Variants in CD109 observed in about 807,000 individuals in gnomAD.
CD109 encodes CD109 antigen.
A neutral mutation model predicts 165.8 loss-of-function variants in CD109; 149 were observed. The observed-to-expected ratio is 0.90, with a 90% CI of 0.79 to 1.03. The LOEUF (loss-of-function observed/expected upper bound fraction) is 1.03, where lower values mean the gene tolerates loss of function less well. Among genes scored for constraint, CD109 ranks in the 50% least tolerant of loss-of-function variants. The pLI is 0.00. For synonymous variants in CD109, 585 were observed against 592.1 expected (o/e 0.99, Z 0.18); for missense variants, 1,712 against 1,677.8 (o/e 1.02, Z -0.36).
intron 5 of CD109, among the ~76,000 whole-genome samples, chr6:73,743,805 A>G (rs916245592): frequency 2.0e-5 from 3 of 152,220 alleles, no homozygotes; most frequent in African/African-American, 7.2e-5. Context: ...GTGGCTTCCA[A>G]AATACTTTCA....
chr6:73,720,068 A>C (rs1440137476), intron 2 of CD109, among the ~76,000 whole-genome samples: 6 of 152,204 alleles, frequency 3.9e-5, no homozygotes, highest in Non-Finnish European at 8.8e-5. Context: ...CATTATTCCC[A>C]ATATCTAAGA....
At chr6:73,679,704 C>G in the CD109 span, among the ~76,000 whole-genome samples, 73 of 151,404 alleles carry the variant, frequency 4.8e-4, no homozygotes, top group Admixed American at 2.4e-3. Context: ...GGCACGATCT[C>G]GACTCACTGC....
chr6:73,723,041 C>T (rs1018517554), intron 2 of CD109: 26 of 764,454 alleles, frequency 3.4e-5, no homozygotes, highest in African/African-American at 1.9e-5. Flanking sequence ...CCACTGATAC[C>T]CTTTTAATCC....
At chr6:73,726,533 G>A (rs72955210) in intron 3 of CD109, among the ~76,000 whole-genome samples, 4,462 of 152,266 alleles carry the variant, frequency 0.029, 100 homozygotes, top group Non-Finnish European at 0.038. Flanking sequence ...CATTATTCCT[G>A]AAGTATATGA....
At chr6:73,723,145 A>T in intron 2 of CD109, 106 bp from the exon 3 acceptor site, 3 of 1,576,778 alleles carry the variant, frequency 1.9e-6, no homozygotes, top group Non-Finnish European at 2.6e-6. Context: ...TGTATTTATG[A>T]TTCCACCTAC....
At chr6:73,766,191 A>G (rs1219946483) in intron 11 of CD109, 37 bp downstream of exon 11, 3 of 1,494,844 alleles carry the variant, frequency 2.0e-6, no homozygotes, top group Non-Finnish European at 9.3e-7. Flanking sequence ...CACTGCAACA[A>G]CACCATTACA....
chr6:73,788,719 T>C (rs1774797806), intron 22 of CD109, 107 bp downstream of exon 22: 2 of 928,614 alleles, frequency 2.2e-6, no homozygotes, highest in South Asian at 3.4e-5. Context: ...TAAGAAGAGA[T>C]GGCAAAAGTT....
At position 73,730,420 on chromosome 6, in the gene CD109, ATAG is replaced by A; in HGVS notation, c.356_358del (p.Ser119del). On this transcript the variant is annotated inframe_deletion, in exon 4 of 33. Transcript: ENST00000287097. ...ACCCAGGATGAGATTTTATTCTCTAATAGTACCCGCTTATCATTTGAGACCAAG... is the reference window on the plus strand; with the variant it reads ...ACCCAGGATGAGATTTTATTCTCTAATACCCGCTTATCATTTGAGACCAAG... The A allele has an allele frequency of 1.9e-6, 3 of 1,613,902 alleles. No homozygotes were observed. Among genetic ancestry groups the A allele is most frequent in the Non-Finnish European group, 2.5e-6 (3 of 1,179,766 alleles).
chr6:73,795,700 GA>G (rs1216810084), intron 23 of CD109, among the ~76,000 whole-genome samples: 7 of 152,170 alleles, frequency 4.6e-5, no homozygotes, highest in Non-Finnish European at 8.8e-5. Context: ...TTCCCCTTGG[GA>G]GGAAGTAGAT....
chr6:73,774,885 C>T lies in CD109; in HGVS notation c.1827+3304C>T, dbSNP rs193118352. ...TTTTCTGCTTGCTTTTATTGTTTCT[C>T]CAGTTGGTTCTGGAGGAGGGAGTGA... On this transcript the variant is annotated intron_variant, in intron 15 of 32. Transcript: ENST00000287097. 3.1e-3 allele frequency among the ~76,000 whole-genome samples: 464 copies of T among 151,918 alleles called. 1 individual carries two copies. Among genetic ancestry groups the T allele is most frequent in the African/African-American group, 0.01 (433 of 41,468 alleles).
chr6:73,792,711 T>G lies in CD109; in HGVS notation c.2787T>G (p.Phe929Leu), dbSNP rs1472861909. 4 of 1,613,192 alleles carry G rather than the reference T, an allele frequency of 2.5e-6. No homozygotes were observed. The highest frequency in any genetic ancestry group is 3.4e-6 in the Non-Finnish European group (4 of 1,179,870). The change falls in exon 23 of 33, where the codon TTT becomes TTG. Residue 929 changes from phenylalanine (F) to leucine (L), a missense_variant. Coordinates refer to ENST00000287097, the MANE Select transcript of CD109 (RefSeq NM_133493.5). ...YGCGEQNMIN[F>L]APNIYILDYL... ...GTGGTGAACAGAACATGATAAATTT[T>G]GCTCCAAATATTTACATTTTGGATT...
At chr6:73,803,663 G>A (rs1775460058) in intron 24 of CD109, among the ~76,000 whole-genome samples, 1 of 147,496 alleles carries the variant, frequency 6.8e-6, no homozygotes, top group Non-Finnish European at 1.5e-5. Context: ...CAAGTGTTGT[G>A]TTACTGCGGT....
chr6:73,725,137 A>T (rs1772085952), intron 3 of CD109, among the ~76,000 whole-genome samples: 5 of 152,232 alleles, frequency 3.3e-5, no homozygotes, highest in Admixed American at 3.3e-4. Flanking sequence ...GGGGGAAAAA[A>T]ACCCTGCAAT....
chr6:73,721,168 A>G (rs1434109138), intron 2 of CD109, among the ~76,000 whole-genome samples: 1 of 152,052 alleles, frequency 6.6e-6, no homozygotes, highest in African/African-American at 2.4e-5. Flanking sequence ...TTTGCTTCCT[A>G]TGATAACAGT....
intron 23 of CD109, among the ~76,000 whole-genome samples, chr6:73,802,410 A>G (rs1478935353): frequency 6.7e-6 from 1 of 148,396 alleles, no homozygotes. Context: ...AAAATTTAAG[A>G]GCCACCGTTT....
chr6:73,785,514 C>G, intron 20 of CD109, 37 bp downstream of exon 20: 1 of 1,206,852 alleles, frequency 8.3e-7, no homozygotes, highest in Non-Finnish European at 1.2e-6. Flanking sequence ...ATTTACACTA[C>G]AGGAGAAAAT....
chr6:73,703,586 C>T (rs1158361944), intron 2 of CD109, among the ~76,000 whole-genome samples: 1 of 152,154 alleles, frequency 6.6e-6, no homozygotes, highest in Non-Finnish European at 1.5e-5. Context: ...CGAAAGTTTC[C>T]TAACATATGG....
At chr6:73,815,189 G>A in intron 30 of CD109, 66 bp downstream of exon 30, 5 of 1,345,156 alleles carry the variant, frequency 3.7e-6, no homozygotes, top group Admixed American at 2.8e-5. Context: ...GTTTAATTAT[G>A]TATAGTTGTC....
In CD109 at chr6:73,824,472, G is replaced by T. The variant is rs1050958434; in HGVS notation, c.*839G>T. The T allele has an allele frequency of 4.6e-5, 7 of 152,140 alleles. No individual in the cohort carries two copies. The highest frequency in any genetic ancestry group is 7.3e-5 in the Non-Finnish European group (5 of 68,042). 9.4% of individuals were successfully genotyped at this position (152,140 alleles called of 1,614,324 possible). A position where few individuals can be genotyped will look rare whatever the true frequency, so the allele number is the denominator to read the frequency against. On this transcript the variant is annotated 3_prime_UTR_variant, in exon 33 of 33. Transcript: ENST00000287097. Reference sequence around the variant, plus strand: ...TTCGATTCGAAGATCCTAGACCAGGGAGACACTGTGAGCCAGGGATACAAC... The same window carrying T: ...TTCGATTCGAAGATCCTAGACCAGGTAGACACTGTGAGCCAGGGATACAAC...
Sources: allele counts gnomAD v4.1 joint callset (sites outside exome capture counted in the v4.1 genomes callset), GRCh38; gene constraint gnomAD v4.1.1; transcripts MANE v1.5; gene names NCBI Gene and HGNC (gene_info 2026-07-23, HGNC 2026-07-21).